The following CDK17 variants were observed in gnomAD, a reference collection of about 807,000 sequenced individuals.
The protein encoded by CDK17 is cyclin dependent kinase 17, also known as cyclin-dependent kinase 17.
Under a neutral mutation model 77.6 loss-of-function variants are expected in CDK17, and 24 were observed. The observed-to-expected ratio is 0.31, with a 90% confidence interval of 0.22 to 0.44. CDK17 has a LOEUF of 0.44. CDK17 is among the 20% of genes least tolerant of loss of function. The pLI is 1.00. For missense variants in CDK17, 429 were observed against 622.5 expected (o/e 0.69, Z 3.31); for synonymous variants, 203 against 210.4 (o/e 0.96, Z 0.30).
chr12:96,332,563 A>T (rs998419981), intron 2 of CDK17, among the ~76,000 whole-genome samples: 1 of 152,234 alleles, frequency 6.6e-6, no homozygotes, highest in African/African-American at 2.4e-5. Flanking sequence ...AGGCACTGAC[A>T]GGTGACCAAA....
intron 2 of CDK17, among the ~76,000 whole-genome samples, chr12:96,332,167 A>G (rs1290033055): frequency 6.6e-6 from 1 of 152,180 alleles, no homozygotes; most frequent in African/African-American, 2.4e-5. Flanking sequence ...TTTGTAGCCT[A>G]TAAGTAACAG....
intron 5 of CDK17, among the ~76,000 whole-genome samples, chr12:96,301,817 T>A (rs1465967124): frequency 6.6e-6 from 1 of 152,162 alleles, no homozygotes; most frequent in Non-Finnish European, 1.5e-5. Flanking sequence ...TTGCATCACT[T>A]ACCATTTCAG....
chr12:96,363,442 T>C (rs1342557041), intron 1 of CDK17, among the ~76,000 whole-genome samples: 1 of 89,068 alleles, frequency 1.1e-5, no homozygotes, highest in Non-Finnish European at 2.2e-5. Flanking sequence ...AGAGCAAGAC[T>C]TCGTCTCAAA....
At chr12:96,376,377 A>G (rs1012625217) in intron 1 of CDK17, among the ~76,000 whole-genome samples, 3 of 152,124 alleles carry the variant, frequency 2.0e-5, no homozygotes, top group Non-Finnish European at 1.5e-5. Context: ...CTTAAACCAG[A>G]CTCCAAAACA....
At position 96,278,333 on chromosome 12, in the gene CDK17, T is replaced by C. The variant is rs572120660; in HGVS notation, c.*1909A>G. On this transcript the variant is annotated 3_prime_UTR_variant, in exon 17 of 17. Transcript: ENST00000261211. ...AATGTCAAATTTGCAACAAATCAAA[T>C]ATACATTCTATGAAGTGACAAATTT... 6.6e-6 allele frequency: 1 copy of C among 152,216 alleles called. No individual in the cohort carries two copies. The highest frequency in any genetic ancestry group is 2.1e-4 in the South Asian group (1 of 4,832). 9.4% of individuals were successfully genotyped at this position (152,216 alleles called of 1,614,324 possible). A position where few individuals can be genotyped will look rare whatever the true frequency, so the allele number is the denominator to read the frequency against.
At chr12:96,381,413 G>A (rs970908036) in intron 1 of CDK17, among the ~76,000 whole-genome samples, 5 of 151,138 alleles carry the variant, frequency 3.3e-5, no homozygotes, top group Admixed American at 1.3e-4. Context: ...CCTAGACAAC[G>A]GGTAACAGGA....
At chr12:96,337,009 A>G (rs906827699) in intron 1 of CDK17, among the ~76,000 whole-genome samples, 9 of 152,186 alleles carry the variant, frequency 5.9e-5, no homozygotes, top group Non-Finnish European at 1.3e-4. Context: ...TATCATATGC[A>G]TATGTATACG....
rs552162217 is a variant in CDK17 at position 96,307,813 on chromosome 12, G to A, written c.543+3239C>T. Among the ~76,000 whole-genome samples, 13 of 152,228 alleles carry A rather than the reference G, an allele frequency of 8.5e-5. No homozygotes were observed. The South Asian group carries it at 2.7e-3, about 32-fold the overall frequency. On this transcript the variant is annotated intron_variant, in intron 5 of 16. Coordinates refer to ENST00000261211, the MANE Select transcript of CDK17 (RefSeq NM_002595.5). The stretch of plus-strand genomic sequence containing the variant: ...TTGAACCAGAGGCAGAGGTTGCAAC[G>A]AGCCGAGATCGCGCCATTGTACTCC...
intron 1 of CDK17, among the ~76,000 whole-genome samples, chr12:96,371,856 G>T (rs1021692804): frequency 2.7e-4 from 41 of 152,080 alleles, no homozygotes; most frequent in Non-Finnish European, 1.5e-4. Context: ...TTTTTAAACT[G>T]CAAATCTCAC....
chr12:96,348,726 T>C (rs375170808), intron 1 of CDK17, among the ~76,000 whole-genome samples: 7 of 152,066 alleles, frequency 4.6e-5, no homozygotes, highest in Admixed American at 2.0e-4. Flanking sequence ...CTTAATGAAA[T>C]AGACAAACTC....
At chr12:96,325,185 G>A (rs1231513636) in intron 2 of CDK17, among the ~76,000 whole-genome samples, 2 of 152,198 alleles carry the variant, frequency 1.3e-5, no homozygotes, top group Non-Finnish European at 2.9e-5. Context: ...ACTGATAGCA[G>A]CCAAGGAGTT....
At chr12:96,386,038 G>A (rs1953967832) in intron 1 of CDK17, among the ~76,000 whole-genome samples, 1 of 152,234 alleles carries the variant, frequency 6.6e-6, no homozygotes, top group Non-Finnish European at 1.5e-5. Flanking sequence ...TTTGTTTTGA[G>A]ATAGGGTCTC....
chr12:96,337,008 C>G (rs1022655695), intron 1 of CDK17, among the ~76,000 whole-genome samples: 1 of 152,124 alleles, frequency 6.6e-6, no homozygotes, highest in Admixed American at 6.6e-5. Flanking sequence ...TTATCATATG[C>G]ATATGTATAC....
intron 5 of CDK17, among the ~76,000 whole-genome samples, chr12:96,308,643 C>T (rs1258816004): frequency 2.1e-5 from 3 of 144,370 alleles, no homozygotes; most frequent in Non-Finnish European, 4.6e-5. Context: ...GCCAGAGAAT[C>T]GCTTGAACCC....
At chr12:96,363,797 C>CTGAGA (rs1487584153) in intron 1 of CDK17, among the ~76,000 whole-genome samples, 1 of 152,200 alleles carries the variant, frequency 6.6e-6, no homozygotes, top group Non-Finnish European at 1.5e-5. Flanking sequence ...TTGCTGCGAG[C>CTGAGA]TGAGACATGC....
chr12:96,389,026 TTTATTA>T (rs59971369), intron 1 of CDK17, among the ~76,000 whole-genome samples: 12,538 of 150,944 alleles, frequency 0.083, 704 homozygotes, highest in South Asian at 0.2. Context: ...CTCACTTTTT[TTTATTA>T]TTATTATTAT....
chr12:96,313,938 C>T (rs935604359), intron 3 of CDK17, among the ~76,000 whole-genome samples: 2 of 152,142 alleles, frequency 1.3e-5, no homozygotes, highest in Admixed American at 6.5e-5. Flanking sequence ...TTCTTTAAAA[C>T]ACCTCTTAAA....
chr12:96,389,792 C>T (rs1954037620), intron 1 of CDK17, among the ~76,000 whole-genome samples: 1 of 151,560 alleles, frequency 6.6e-6, no homozygotes, highest in Non-Finnish European at 1.5e-5. Flanking sequence ...TTACTTATAA[C>T]ACACCTACTA....
At chr12:96,365,455 C>T (rs1260940727) in intron 1 of CDK17, among the ~76,000 whole-genome samples, 1 of 152,072 alleles carries the variant, frequency 6.6e-6, no homozygotes, top group Non-Finnish European at 1.5e-5. Flanking sequence ...AAATGCAAAT[C>T]CTGTGTGTTC....
Sources: allele counts gnomAD v4.1 joint callset (sites outside exome capture counted in the v4.1 genomes callset), GRCh38; gene constraint gnomAD v4.1.1; transcripts MANE v1.5; gene names NCBI Gene and HGNC (gene_info 2026-07-23, HGNC 2026-07-21).